Variants in RBL1 observed in about 807,000 individuals in gnomAD.
RBL1 encodes retinoblastoma-like protein 1.
Under a neutral mutation model 123.0 loss-of-function variants are expected in RBL1, and 82 were observed. The ratio of observed to expected loss-of-function variants is 0.67; its 90% CI spans 0.56 to 0.80. RBL1 has a LOEUF of 0.80. Among genes scored for constraint, RBL1 ranks in the 30% least tolerant of loss-of-function variants. The pLI, the probability that RBL1 is intolerant of heterozygous loss-of-function variation, is 0.00. For missense variants in RBL1, 1,171 were observed against 1,299.6 expected, an observed-to-expected ratio of 0.90 and a Z score of 1.52; for synonymous variants, 405 against 441.3, an observed-to-expected ratio of 0.92 and a Z score of 1.03.
chr20:37,044,958 G>A (rs2064794403), intron 12 of RBL1, among the ~76,000 whole-genome samples: 1 of 151,702 alleles, frequency 6.6e-6, no homozygotes, highest in East Asian at 1.9e-4. Flanking sequence ...GTGACTTTGC[G>A]TATATACACT....
intron 2 of RBL1, among the ~76,000 whole-genome samples, chr20:37,077,266 A>C (rs2065379484): frequency 6.6e-6 from 1 of 152,158 alleles, no homozygotes; most frequent in Non-Finnish European, 1.5e-5. Flanking sequence ...CTGTATATAC[A>C]TATGCATATA....
chr20:37,072,805 T>A (rs2146312982), intron 2 of RBL1, among the ~76,000 whole-genome samples: 1 of 152,316 alleles, frequency 6.6e-6, no homozygotes, highest in African/African-American at 2.4e-5. Flanking sequence ...ACTATGTCCC[T>A]GCTAGATGGA....
chr20:37,058,812 G>A (rs1380918439), intron 9 of RBL1, among the ~76,000 whole-genome samples: 6 of 151,502 alleles, frequency 4.0e-5, no homozygotes, highest in Admixed American at 3.9e-4. Flanking sequence ...GCCCAGGCTA[G>A]AGTACAATGG....
chr20:37,014,085 C>CTCTT (rs2064210034), intron 19 of RBL1, among the ~76,000 whole-genome samples: 1 of 136,324 alleles, frequency 7.3e-6, no homozygotes, highest in African/African-American at 2.7e-5. Flanking sequence ...AACTTTCTCT[C>CTCTT]TTTTTTTTTT....
intron 21 of RBL1, among the ~76,000 whole-genome samples, chr20:37,002,421 G>T (rs2064003734): frequency 1.5e-5 from 2 of 134,310 alleles, no homozygotes; most frequent in South Asian, 4.7e-4. Flanking sequence ...TCGGCTCACT[G>T]CAACCTCTGC....
chr20:37,000,380 C>A (rs2063950319), intron 21 of RBL1, among the ~76,000 whole-genome samples: 1 of 120,112 alleles, frequency 8.3e-6, no homozygotes, highest in Non-Finnish European at 1.9e-5. Context: ...GGGGGTTAGC[C>A]CCCCGCCCGG....
At chr20:37,076,366 G>A (rs2065363908) in intron 2 of RBL1, among the ~76,000 whole-genome samples, 1 of 152,278 alleles carries the variant, frequency 6.6e-6, no homozygotes, top group African/African-American at 2.4e-5. Flanking sequence ...TATAATAAAA[G>A]TTATGTGAAT....
At chr20:37,012,751 C>A (rs1220780662) in intron 19 of RBL1, among the ~76,000 whole-genome samples, 3 of 150,188 alleles carry the variant, frequency 2.0e-5, no homozygotes, top group African/African-American at 7.4e-5. Context: ...GGGGGTCAGC[C>A]CCCCGCCTGG....
chr20:37,047,744 C>G (rs2064839707), intron 11 of RBL1, among the ~76,000 whole-genome samples: 1 of 152,056 alleles, frequency 6.6e-6, no homozygotes, highest in South Asian at 2.1e-4. Context: ...CTTTGGGAGG[C>G]CGAGGCAGGT....
At chr20:37,013,688 T>C (rs1298145290) in intron 19 of RBL1, among the ~76,000 whole-genome samples, 1 of 152,188 alleles carries the variant, frequency 6.6e-6, no homozygotes, top group East Asian at 1.9e-4. Flanking sequence ...GATAATAATG[T>C]TAAGGCTAAA....
At chr20:37,052,389 T>A (rs569617514) in intron 11 of RBL1, among the ~76,000 whole-genome samples, 1 of 152,014 alleles carries the variant, frequency 6.6e-6, no homozygotes, top group Admixed American at 6.6e-5. Context: ...GGGAGTGCAG[T>A]GGTGTGATCT....
chr20:37,056,329 A>T (rs1208986758), intron 9 of RBL1, 71 bp from the exon 10 acceptor site: 2 of 1,433,516 alleles, frequency 1.4e-6, no homozygotes, highest in Admixed American at 5.9e-5. Context: ...TCCACACCAG[A>T]ATACTAACAT....
At chr20:37,034,648 A>G (rs1206445591) in intron 15 of RBL1, among the ~76,000 whole-genome samples, 1 of 152,064 alleles carries the variant, frequency 6.6e-6, no homozygotes, top group Non-Finnish European at 1.5e-5. Context: ...ATGCTGCTGT[A>G]CTCCAATGTG....
intron 21 of RBL1, among the ~76,000 whole-genome samples, chr20:37,001,983 T>C (rs1031768283): frequency 2.7e-5 from 4 of 148,056 alleles, no homozygotes; most frequent in Admixed American, 2.7e-4. Flanking sequence ...GAATTTACTG[T>C]ATAACAGTAG....
chr20:37,022,557 G>A, intron 17 of RBL1, 93 bp downstream of exon 17: 5 of 1,201,332 alleles, frequency 4.2e-6, no homozygotes, highest in Non-Finnish European at 5.7e-6. Context: ...GAAATCCTGG[G>A]CTCAAGCTAT....
intron 15 of RBL1, among the ~76,000 whole-genome samples, chr20:37,033,186 T>C (rs942454567): frequency 7.8e-6 from 1 of 128,098 alleles, no homozygotes; most frequent in Non-Finnish European, 1.7e-5. Context: ...GCCTGGTAAA[T>C]TTTTTTTTTT....
chr20:37,067,953 T>G (rs931180310), intron 3 of RBL1, 33 bp downstream of exon 3: 19 of 1,592,922 alleles, frequency 1.2e-5, no homozygotes, highest in African/African-American at 2.7e-5. Context: ...TATCATAATC[T>G]TTATGTCAAT....
chr20:37,049,777 A>C (rs928552286), intron 11 of RBL1: 3 of 508,144 alleles, frequency 5.9e-6, no homozygotes, highest in Non-Finnish European at 1.0e-5. Context: ...AGAGAGAGAA[A>C]AAAGGCCAGA....
At chr20:37,081,912 G>T (rs1319468613) in intron 2 of RBL1, 1 of 444,348 alleles carries the variant, frequency 2.3e-6, no homozygotes, top group African/African-American at 2.0e-5. Flanking sequence ...GGCTCAGCGA[G>T]ATTGGGTGAA....
Sources: allele counts gnomAD v4.1 joint callset (sites outside exome capture counted in the v4.1 genomes callset), GRCh38; gene constraint gnomAD v4.1.1; transcripts MANE v1.5; gene names NCBI Gene and HGNC (gene_info 2026-07-23, HGNC 2026-07-21).